The following SCD5 variants were observed in gnomAD, a reference collection of about 807,000 sequenced individuals.
The protein encoded by SCD5 is acyl-CoA-desaturase 4.
A neutral mutation model predicts 30.4 loss-of-function variants in SCD5; 20 were observed. That is an observed-to-expected ratio of 0.66 (90% CI 0.46 to 0.96). The LOEUF is 0.96. SCD5 is among the 40% of genes least tolerant of loss of function. SCD5 has a pLI of 0.00. For missense variants in SCD5, 381 were observed against 443.3 expected (o/e 0.86, Z 1.26); for synonymous variants, 173 against 176.4 (o/e 0.98, Z 0.16).
chr4:82,755,675 A>G (rs1721219952), intron 1 of SCD5, among the ~76,000 whole-genome samples: 1 of 152,194 alleles, frequency 6.6e-6, no homozygotes, highest in African/African-American at 2.4e-5. Flanking sequence ...ACCATCAGAT[A>G]ATGTTTTTCA....
At chr4:82,725,959 GA>G (rs1420076082) in intron 1 of SCD5, among the ~76,000 whole-genome samples, 3 of 152,234 alleles carry the variant, frequency 2.0e-5, no homozygotes, top group African/African-American at 7.2e-5. Context: ...CTGACAAGGT[GA>G]GTCATGGAAC....
chr4:82,794,642 T>G (rs996672645), intron 1 of SCD5, among the ~76,000 whole-genome samples: 2 of 151,574 alleles, frequency 1.3e-5, no homozygotes, highest in African/African-American at 4.9e-5. Flanking sequence ...GGAGTTTGCA[T>G]TCTGTCCATT....
intron 1 of SCD5, among the ~76,000 whole-genome samples, chr4:82,770,071 C>T (rs988263812): frequency 8.5e-5 from 13 of 152,084 alleles, no homozygotes; most frequent in Admixed American, 1.3e-4. Flanking sequence ...TTCTAGGGTA[C>T]GTGTGCACAA....
At chr4:82,753,460 C>A (rs1332790360) in intron 1 of SCD5, 1 of 502,010 alleles carries the variant, frequency 2.0e-6, no homozygotes, top group South Asian at 1.5e-5. Flanking sequence ...GCCCCAGAGT[C>A]ACGCGGGTGG....
rs549883035 is a variant in SCD5, at chr4:82,730,028, G to A, written c.233-24615C>T. On this transcript the variant is annotated intron_variant, in intron 1 of 4. Transcript: ENST00000319540. ...TTTAAGATGCTATATAAGCCAAGGTGTAACCATCCCTTTGAGTTACTCATC... is the reference window on the plus strand; with the variant it reads ...TTTAAGATGCTATATAAGCCAAGGTATAACCATCCCTTTGAGTTACTCATC... 9.6e-4 allele frequency among the ~76,000 whole-genome samples: 143 copies of A among 149,196 alleles called. 3 individuals are homozygous for A. Among genetic ancestry groups the A allele is most frequent in the African/African-American group, 3.2e-3 (131 of 40,360 alleles).
intron 1 of SCD5, among the ~76,000 whole-genome samples, chr4:82,764,006 C>A (rs1007300439): frequency 6.6e-6 from 1 of 152,104 alleles, no homozygotes; most frequent in Non-Finnish European, 1.5e-5. Context: ...CTTTTTCCAT[C>A]CTCCTATTTT....
chr4:82,791,099 G>A (rs192784851), intron 1 of SCD5, among the ~76,000 whole-genome samples: 10 of 152,232 alleles, frequency 6.6e-5, no homozygotes, highest in Non-Finnish European at 1.3e-4. Context: ...TTAGCCGGGC[G>A]TGGTGGCATG....
intron 1 of SCD5, among the ~76,000 whole-genome samples, chr4:82,776,340 G>C (rs1472259889): frequency 6.6e-6 from 1 of 152,092 alleles, no homozygotes; most frequent in African/African-American, 2.4e-5. Flanking sequence ...TCCCCAGTTT[G>C]CATGTGAAAA....
intron 1 of SCD5, among the ~76,000 whole-genome samples, chr4:82,706,728 A>C (rs1327008043): frequency 6.6e-6 from 1 of 152,274 alleles, no homozygotes; most frequent in East Asian, 1.9e-4. Context: ...GTGAGACATG[A>C]AGACAATGAA....
rs139616935 is a variant in SCD5 at position 82,729,587 on chromosome 4, T to G, written c.233-24174A>C. On this transcript the variant is annotated intron_variant, in intron 1 of 4. Coordinates refer to ENST00000319540, the MANE Select transcript of SCD5 (RefSeq NM_001037582.3). ...GAATTGACGGAAGGGGGGAAAGAGA[T>G]ATGTTTAAGAGAAAGAATTTTAAAC... Among the ~76,000 whole-genome samples, 48 of 151,820 alleles carry G rather than the reference T, an allele frequency of 3.2e-4. 1 individual carries two copies. The highest frequency in any genetic ancestry group is 1.4e-3 in the Admixed American group (21 of 15,226).
At chr4:82,751,627 G>T (rs899268846) in intron 1 of SCD5, among the ~76,000 whole-genome samples, 3 of 146,578 alleles carry the variant, frequency 2.0e-5, no homozygotes, top group Non-Finnish European at 2.9e-5. Context: ...CTTTTATTTA[G>T]TTAGTTAGTT....
At chr4:82,773,428 C>T (rs1125240) in intron 1 of SCD5, among the ~76,000 whole-genome samples, 5,874 of 152,166 alleles carry the variant, frequency 0.039, 159 homozygotes, top group African/African-American at 0.075. Flanking sequence ...TCAGTCATTT[C>T]GCTACTCCAA....
intron 3 of SCD5, among the ~76,000 whole-genome samples, chr4:82,669,304 G>A (rs1367599980): frequency 2.6e-4 from 6 of 22,792 alleles, no homozygotes; most frequent in Non-Finnish European, 2.2e-4. Flanking sequence ...GCTACATAAC[G>A]TTAAAAAAAA....
At chr4:82,667,687 C>T (rs779729711) in intron 3 of SCD5, among the ~76,000 whole-genome samples, 2 of 152,182 alleles carry the variant, frequency 1.3e-5, no homozygotes, top group African/African-American at 4.8e-5. Flanking sequence ...GTTCTTGAAA[C>T]TGGAAGATTC....
rs757933489 is a variant in SCD5 at position 82,680,881 on chromosome 4, C to T, written c.395G>A (p.Arg132Gln). The change falls in exon 3 of 5, where the codon CGA (arginine) becomes CAA (glutamine). Residue 132 changes from arginine to glutamine, a missense_variant. Physicochemically the swap from Arg to Gln is conservative, Grantham distance 43. Coordinates refer to ENST00000319540, the MANE Select transcript of SCD5 (RefSeq NM_001037582.3). ...CGTCTCTGAGTACTTGTGGTGGGCT[C>T]GGTGGTCCCTGGACCACTCGAAGAT... ...NDIFEWSRDH[R>Q]AHHKYSETDA... 1.2e-6 allele frequency: 2 copies of T among 1,613,178 alleles called. No individual in the cohort carries two copies. Among genetic ancestry groups the T allele is most frequent in the South Asian group, 1.1e-5 (1 of 91,010 alleles).
chr4:82,705,333 T>C lies in SCD5; in HGVS notation c.313A>G (p.Lys105Glu), dbSNP rs1290857976. The change falls in exon 2 of 5, where the codon AAG becomes GAG. Residue 105 changes from lysine to glutamate, a missense_variant. By Grantham distance (56) the Lys-to-Glu change is moderately conservative (BLOSUM62 1). Transcript: ENST00000319540. ...RLWSHRSYRA[K>E]LPLRIFLAVA... ...GCCAGAAATATCCTCAGAGGCAGCT[T>C]GGCCCGGTAGGACCTGTGGCTCCAC... 3.7e-6 allele frequency: 6 copies of C among 1,614,112 alleles called. No homozygotes were observed. Among genetic ancestry groups the C allele is most frequent in the Non-Finnish European group, 5.1e-6 (6 of 1,180,046 alleles).
intron 1 of SCD5, among the ~76,000 whole-genome samples, chr4:82,759,550 G>A (rs1721310427): frequency 1.3e-5 from 2 of 150,954 alleles, no homozygotes; most frequent in Admixed American, 6.6e-5. Flanking sequence ...GCTGGGCGCA[G>A]CAGCACTTAG....
intron 3 of SCD5, among the ~76,000 whole-genome samples, chr4:82,648,914 G>A (rs984259852): frequency 6.6e-6 from 1 of 152,112 alleles, no homozygotes; most frequent in Admixed American, 6.5e-5. Flanking sequence ...TCTTTCTATG[G>A]AGGTACAGGA....
intron 3 of SCD5, among the ~76,000 whole-genome samples, chr4:82,668,962 C>T (rs954829154): frequency 5.3e-5 from 8 of 152,178 alleles, no homozygotes; most frequent in Middle Eastern, 3.2e-3. Flanking sequence ...TGTGCTCAAC[C>T]GCACTAACAT....
Sources: allele counts gnomAD v4.1 joint callset (sites outside exome capture counted in the v4.1 genomes callset), GRCh38; gene constraint gnomAD v4.1.1; transcripts MANE v1.5; gene names NCBI Gene and HGNC (gene_info 2026-07-23, HGNC 2026-07-21).